The following USP34 variants were observed in gnomAD, a reference collection of about 807,000 sequenced individuals.
USP34 encodes ubiquitin carboxyl-terminal hydrolase 34.
Under a neutral mutation model 460.3 loss-of-function variants are expected in USP34, and 70 were observed. The ratio of observed to expected loss-of-function variants is 0.15; its 90% confidence interval spans 0.13 to 0.19. The LOEUF is 0.19. Among genes scored for constraint, USP34 ranks in the 10% least tolerant of loss-of-function variants. USP34 has a pLI of 1.00. For missense variants in USP34, 3,985 were observed against 4,236.2 expected (o/e 0.94, Z 1.65); for synonymous variants, 1,647 against 1,405.3 (o/e 1.17, Z -3.85).
chr2:61,301,035 A>C lies in USP34; in HGVS notation c.4044T>G (p.Pro1348=). ...ATAAATCAAAAAGAGTAGTTAAATGAGGCTCTTGTAAAAGCAAAAGCATTG... is the reference window on the plus strand; with the variant it reads ...ATAAATCAAAAAGAGTAGTTAAATGCGGCTCTTGTAAAAGCAAAAGCATTG... ...NIPMLLLLQE[P]HLTTLFDLLE... The change falls in exon 29 of 80, where the codon CCT becomes CCG. Residue 1348 remains proline (P), a synonymous_variant. Coordinates refer to ENST00000398571, the MANE Select transcript of USP34 (RefSeq NM_014709.4). 6.2e-7 allele frequency: 1 copy of C among 1,614,024 alleles called. No individual in the cohort carries two copies. The highest frequency in any genetic ancestry group is 8.5e-7 in the Non-Finnish European group (1 of 1,179,966).
At chr2:61,293,580 A>T (rs773391682) in intron 32 of USP34, 30 bp from the exon 33 acceptor site, 2 of 1,548,042 alleles carry the variant, frequency 1.3e-6, no homozygotes, top group South Asian at 1.1e-5. Context: ...TAATAGTAAG[A>T]GAAAAGCAGA....
At chr2:61,390,939 A>T (rs1332727658) in intron 5 of USP34, among the ~76,000 whole-genome samples, 1 of 152,040 alleles carries the variant, frequency 6.6e-6, no homozygotes, top group Admixed American at 6.6e-5. Flanking sequence ...TACTAAAAAT[A>T]CAAAAATTAG....
intron 72 of USP34, 91 bp from the exon 73 acceptor site, chr2:61,204,692 T>A: frequency 1.0e-6 from 1 of 994,058 alleles, no homozygotes. Flanking sequence ...ATTGCCTCAC[T>A]ACAACCAGTT....
intron 5 of USP34, among the ~76,000 whole-genome samples, chr2:61,391,103 A>C (rs1053342570): frequency 3.9e-5 from 6 of 151,930 alleles, no homozygotes; most frequent in African/African-American, 1.2e-4. Flanking sequence ...CAAAAAAAAA[A>C]CGAAAAAATA....
intron 62 of USP34, 124 bp downstream of exon 62, chr2:61,226,943 T>C (rs1459531934): frequency 3.6e-6 from 4 of 1,112,902 alleles, no homozygotes; most frequent in South Asian, 2.0e-5. Flanking sequence ...TAAAAGCTAG[T>C]GAATAACAAT....
intron 1 of USP34, among the ~76,000 whole-genome samples, chr2:61,445,293 T>C (rs1215615887): frequency 6.7e-6 from 1 of 148,594 alleles, no homozygotes; most frequent in Non-Finnish European, 1.5e-5. Flanking sequence ...CCCAGCACTT[T>C]GGGAGGCCGA....
intron 1 of USP34, among the ~76,000 whole-genome samples, chr2:61,453,607 G>A (rs1162984221): frequency 6.6e-6 from 1 of 151,208 alleles, no homozygotes; most frequent in Non-Finnish European, 1.5e-5. Context: ...CTACTCAGGA[G>A]GCTGAGGCAG....
At chr2:61,382,696 T>G (rs1261257906) in intron 6 of USP34, among the ~76,000 whole-genome samples, 1 of 152,208 alleles carries the variant, frequency 6.6e-6, no homozygotes, top group African/African-American at 2.4e-5. Flanking sequence ...ATACTTTAAT[T>G]CTAATCAGTA....
intron 13 of USP34, 46 bp downstream of exon 13, chr2:61,349,204 T>C (rs370152805): frequency 1.2e-5 from 19 of 1,589,386 alleles, no homozygotes; most frequent in Non-Finnish European, 1.5e-5. Flanking sequence ...AAAACCACTA[T>C]AAAAAACTAA....
chr2:61,402,178 G>A (rs1206687052), intron 3 of USP34, among the ~76,000 whole-genome samples: 1 of 152,040 alleles, frequency 6.6e-6, no homozygotes, highest in Non-Finnish European at 1.5e-5. Flanking sequence ...TACTCAGGAG[G>A]CTGAGGTGGG....
chr2:61,337,918 T>A (rs1172435831), intron 18 of USP34, among the ~76,000 whole-genome samples: 1 of 152,228 alleles, frequency 6.6e-6, no homozygotes, highest in African/African-American at 2.4e-5. Flanking sequence ...TTATTAAAAT[T>A]TGTGTTTTCA....
chr2:61,470,241 C>G (rs146767716), intron 1 of USP34, among the ~76,000 whole-genome samples: 15 of 152,154 alleles, frequency 9.9e-5, no homozygotes, highest in Non-Finnish European at 1.9e-4. Flanking sequence ...CGCTGGAAAT[C>G]AAAGAGGGCG....
intron 3 of USP34, among the ~76,000 whole-genome samples, chr2:61,400,812 G>T (rs1004600880): frequency 6.6e-6 from 1 of 152,134 alleles, no homozygotes; most frequent in East Asian, 1.9e-4. Context: ...AATTGTGCCA[G>T]TGTACTACTC....
intron 21 of USP34, among the ~76,000 whole-genome samples, chr2:61,323,282 C>T (rs535200116): frequency 5.9e-5 from 9 of 152,162 alleles, no homozygotes; most frequent in South Asian, 2.1e-4. Context: ...GAGGCCGAGG[C>T]GGGCGGATCA....
At chr2:61,346,507 C>G (rs1221586270) in intron 15 of USP34, among the ~76,000 whole-genome samples, 2 of 101,746 alleles carry the variant, frequency 2.0e-5, no homozygotes, top group African/African-American at 3.9e-5. Flanking sequence ...GCCTAGGTGA[C>G]AAAGTGAGAC....
At chr2:61,223,819 C>G (rs1357886441) in intron 62 of USP34, among the ~76,000 whole-genome samples, 1 of 152,070 alleles carries the variant, frequency 6.6e-6, no homozygotes, top group Non-Finnish European at 1.5e-5. Context: ...GCCACTACAC[C>G]TAGATTGCAT....
chr2:61,212,329 C>A (rs1160250022), intron 68 of USP34, among the ~76,000 whole-genome samples: 1 of 152,188 alleles, frequency 6.6e-6, no homozygotes, highest in East Asian at 1.9e-4. Context: ...CTTATTACTG[C>A]TTAAAGCACT....
At chr2:61,293,873 G>T (rs1689936331) in intron 32 of USP34, among the ~76,000 whole-genome samples, 1 of 151,964 alleles carries the variant, frequency 6.6e-6, no homozygotes, top group Non-Finnish European at 1.5e-5. Flanking sequence ...AAATTGGCCG[G>T]GTATGGTGGC....
intron 43 of USP34, among the ~76,000 whole-genome samples, chr2:61,262,675 G>A (rs1404195654): frequency 2.0e-5 from 3 of 152,092 alleles, no homozygotes; most frequent in Non-Finnish European, 4.4e-5. Context: ...ATGGTAGGAT[G>A]ATTTATATTC....
Sources: gnomAD v4.1 joint callset for allele counts (sites outside exome capture counted in the v4.1 genomes callset) on GRCh38, gnomAD v4.1.1 for gene constraint, MANE v1.5 for transcripts, NCBI Gene and HGNC (gene_info 2026-07-23, HGNC 2026-07-21) for gene names.